Variants in CLCC1 observed in about 807,000 individuals in gnomAD.
CLCC1 encodes the protein chloride channel CLIC like 1.
CLCC1 carries 39 observed loss-of-function variants against 63.3 expected under a neutral mutation model. The observed-to-expected ratio is 0.62, with a 90% confidence interval of 0.48 to 0.81. CLCC1 has a LOEUF of 0.81. Among genes scored for constraint, CLCC1 ranks in the 30% least tolerant of loss-of-function variants. The pLI, the probability that CLCC1 is intolerant of heterozygous loss-of-function variation, is 0.00. For missense variants in CLCC1, 549 were observed against 669.4 expected, an observed-to-expected ratio of 0.82 and a Z score of 1.98; for synonymous variants, 217 against 239.8, an observed-to-expected ratio of 0.90 and a Z score of 0.88.
chr1:108,943,459 T>C lies in CLCC1; in HGVS notation c.702+16A>G. The C allele has an allele frequency of 6.2e-7, 1 of 1,606,726 alleles. No homozygotes were observed. Among genetic ancestry groups the C allele is most frequent in the Non-Finnish European group, 8.5e-7 (1 of 1,176,188 alleles). ...TAAATGTGTTAAAATTGTAAAACCC[T>C]CCATCCATATAATACCTTATATAAA... On this transcript the variant is annotated intron_variant, in intron 7 of 12. Transcript: ENST00000369969.
rs1443436777 is a variant in CLCC1, at chr1:108,943,927, T to C, written c.470A>G (p.Asp157Gly). The C allele has an allele frequency of 6.2e-7, 1 of 1,613,208 alleles. No homozygotes were observed. Among genetic ancestry groups the C allele is most frequent in the African/African-American group, 1.3e-5 (1 of 74,908 alleles). Residue 157 changes from aspartate (D) to glycine (G), a missense_variant, in exon 6 of 13, where the codon GAT (aspartate) becomes GGT (glycine). By Grantham distance (94) the Asp-to-Gly change is moderately conservative. Transcript: ENST00000369969. Reference sequence around the variant, plus strand: ...ATGAAACTTAAAATTAATTAAAATATCACTTAGTGCATCATCCAAGGCACC... The same window carrying C: ...ATGAAACTTAAAATTAATTAAAATACCACTTAGTGCATCATCCAAGGCACC... ...KPGALDDALS[D>G]ILINFKFHDF...
chr1:108,931,161 T>TA lies in CLCC1; in HGVS notation c.*1385dup. On this transcript the variant is annotated 3_prime_UTR_variant, in exon 13 of 13. Transcript: ENST00000369969. ...AAACAAACTTTTCTAAGTTCTAATA[T>TA]AAAAACAAAAAACAAAACCCATGTG... 1 of 704,194 alleles carries TA rather than the reference T, an allele frequency of 1.4e-6. No homozygotes were observed. The highest frequency in any genetic ancestry group is 3.4e-5 in the Admixed American group (1 of 29,044). The allele number at this position is 704,194 out of a possible 1,614,324, so 43.6% of individuals were successfully genotyped here.
At position 108,963,418 on chromosome 1, in the gene CLCC1, G is replaced by A. The variant is rs887343525; in HGVS notation, c.-230C>T. 4 of 702,480 alleles carry A rather than the reference G, an allele frequency of 5.7e-6. No homozygotes were observed. Among genetic ancestry groups the A allele is most frequent in the South Asian group, 1.5e-5 (1 of 67,608 alleles). The allele number at this position is 702,480 out of a possible 1,614,324, so 43.5% of individuals were successfully genotyped here. The stretch of plus-strand genomic sequence containing the variant: ...ACACCTGCCCAGGCCGGCCGCAGAA[G>A]AGGTCGCACAGCTTGCCGCCGCCCA... On this transcript the variant is annotated 5_prime_UTR_variant, in exon 1 of 13. Coordinates refer to ENST00000369969, the MANE Select transcript of CLCC1 (RefSeq NM_001377458.1).
intron 5 of CLCC1, among the ~76,000 whole-genome samples, chr1:108,944,958 T>C (rs1296267044): frequency 6.6e-6 from 1 of 152,230 alleles, no homozygotes; most frequent in Non-Finnish European, 1.5e-5. Flanking sequence ...TAAAGTCACC[T>C]CAAACACCAA....
chr1:108,955,905 A>C (rs893585703), intron 2 of CLCC1, among the ~76,000 whole-genome samples: 9 of 151,472 alleles, frequency 5.9e-5, no homozygotes, highest in Non-Finnish European at 8.8e-5. Flanking sequence ...CCTGGTTTTA[A>C]GGCTTTCACA....
In CLCC1 at chr1:108,943,934, G is replaced by A. The variant is rs1374274545; in HGVS notation, c.463C>T (p.Leu155=). 2 of 1,612,884 alleles carry A rather than the reference G, an allele frequency of 1.2e-6. No homozygotes were observed. Among genetic ancestry groups the A allele is most frequent in the Admixed American group, 3.3e-5 (2 of 59,994 alleles). The change falls in exon 6 of 13, where the codon CTA becomes TTA. Residue 155 remains leucine (L), a synonymous_variant. Coordinates refer to ENST00000369969, the MANE Select transcript of CLCC1 (RefSeq NM_001377458.1). ...TTAAAATTAATTAAAATATCACTTA[G>A]TGCATCATCCAAGGCACCTGGTTTC... ...DWKPGALDDA[L]SDILINFKFH...
In CLCC1 at chr1:108,947,693, C is replaced by G; in HGVS notation, c.257G>C (p.Arg86Thr). Residue 86 changes from arginine (R) to threonine (T), a missense_variant, in exon 5 of 13, where the codon AGG (arginine) becomes ACG (threonine). By Grantham distance (71) the Arg-to-Thr change is moderately conservative (BLOSUM62 -1). Transcript: ENST00000369969. ...ATTGCTTTGACTTTCATAGTCTTCCCTCTTTTTCTTTTCACACTCATCAAT... is the reference window on the plus strand; with the variant it reads ...ATTGCTTTGACTTTCATAGTCTTCCGTCTTTTTCTTTTCACACTCATCAAT... ...YKIDECEKKK[R>T]EDYESQSNPV... The G allele has an allele frequency of 6.2e-7, 1 of 1,609,396 alleles. No individual in the cohort carries two copies. Among genetic ancestry groups the G allele is most frequent in the South Asian group, 1.1e-5 (1 of 90,194 alleles).
chr1:108,933,559 A>ATT (rs1379755625), intron 12 of CLCC1: 1 of 152,278 alleles, frequency 6.6e-6, no homozygotes, highest in Non-Finnish European at 1.5e-5. Flanking sequence ...CTGCATGAAA[A>ATT]TTTAAAGACT....
At chr1:108,948,466 T>C (rs543167519) in intron 4 of CLCC1, among the ~76,000 whole-genome samples, 1 of 152,108 alleles carries the variant, frequency 6.6e-6, no homozygotes, top group East Asian at 1.9e-4. Flanking sequence ...TTTAACGGAG[T>C]GTGGACCATG....
intron 7 of CLCC1, 81 bp from the exon 8 acceptor site, chr1:108,941,579 A>C: frequency 2.2e-6 from 2 of 924,000 alleles, no homozygotes; most frequent in Non-Finnish European, 3.4e-6. Context: ...CTTCATTCAA[A>C]GAGTGTCTTT....
chr1:108,943,812 GC>G, intron 6 of CLCC1, 23 bp downstream of exon 6: 2 of 1,542,686 alleles, frequency 1.3e-6, no homozygotes, highest in Non-Finnish European at 1.8e-6. Flanking sequence ...TAATGACGTT[GC>G]CCTTGCCCTC....
chr1:108,950,553 G>A, intron 2 of CLCC1, 105 bp from the exon 3 acceptor site: 1 of 594,338 alleles, frequency 1.7e-6, no homozygotes. Context: ...ACAGGGTCTT[G>A]CTCTATTGCC....
intron 2 of CLCC1, among the ~76,000 whole-genome samples, chr1:108,952,513 A>G (rs1057350515): frequency 6.9e-5 from 6 of 87,294 alleles, no homozygotes; most frequent in African/African-American, 2.0e-4. Flanking sequence ...GAAAAGTGGG[A>G]AACTGCCAGG....
chr1:108,942,656 T>G (rs1029672710), intron 7 of CLCC1, among the ~76,000 whole-genome samples: 1 of 152,162 alleles, frequency 6.6e-6, no homozygotes, highest in Non-Finnish European at 1.5e-5. Flanking sequence ...ATAATTAAAA[T>G]CTAGAAAAAT....
At chr1:108,960,508 G>A (rs1656480438) in intron 2 of CLCC1, among the ~76,000 whole-genome samples, 1 of 152,202 alleles carries the variant, frequency 6.6e-6, no homozygotes, top group South Asian at 2.1e-4. Context: ...AAGTGGTTAA[G>A]AAGTAGGTGA....
In CLCC1 at chr1:108,930,751, T is replaced by C. The variant is rs1456553975; in HGVS notation, c.*1796A>G. On this transcript the variant is annotated 3_prime_UTR_variant, in exon 13 of 13. Transcript: ENST00000369969. ...TAAAAATACAAAAATTAGCTGGGCATGGTGGCATGCGCCTGTAGTTTCAGC... is the reference window on the plus strand; with the variant it reads ...TAAAAATACAAAAATTAGCTGGGCACGGTGGCATGCGCCTGTAGTTTCAGC... 1 of 152,642 alleles carries C rather than the reference T, an allele frequency of 6.6e-6. No individual in the cohort carries two copies. The highest frequency in any genetic ancestry group is 1.5e-5 in the Non-Finnish European group (1 of 68,446). 9.5% of individuals were successfully genotyped at this position (152,642 alleles called of 1,614,324 possible). A position where few individuals can be genotyped will look rare whatever the true frequency, so the allele number is the denominator to read the frequency against.
intron 5 of CLCC1, 39 bp from the exon 6 acceptor site, chr1:108,944,096 A>T: frequency 7.0e-7 from 1 of 1,429,390 alleles, no homozygotes; most frequent in South Asian, 1.3e-5. Context: ...ATAGAAAGAG[A>T]ATTTTATTAC....
At position 108,934,768 on chromosome 1, in the gene CLCC1, CAGACTTG is replaced by C; in HGVS notation, c.1551_1557del (p.Ser519ProfsTer59). ...CCTTGGTCTGGGCTGCCTGCGGCTTCAGACTTGAGCTGGGCCTTTTCCGCTGCGGGTG... is the reference window on the plus strand; with the variant it reads ...CCTTGGTCTGGGCTGCCTGCGGCTTCAGCTGGGCCTTTTCCGCTGCGGGTG... On this transcript the variant is annotated frameshift_variant, in exon 12 of 13. Transcript: ENST00000369969. LOFTEE classifies it high-confidence loss of function. 1 of 1,614,206 alleles carries C rather than the reference CAGACTTG, an allele frequency of 6.2e-7. No individual in the cohort carries two copies. The highest frequency in any genetic ancestry group is 8.5e-7 in the Non-Finnish European group (1 of 1,180,042).
intron 2 of CLCC1, among the ~76,000 whole-genome samples, chr1:108,956,874 T>TGGGAGGCAGGGAGGCG (rs1195599899): frequency 7.0e-3 from 167 of 23,940 alleles, no homozygotes; most frequent in South Asian, 0.012. Context: ...GGGAATGAGC[T>TGGGAGGCAGGGAGGCG]GGGAGGCAGG....
Sources: gnomAD v4.1 joint callset for allele counts (sites outside exome capture counted in the v4.1 genomes callset) on GRCh38, gnomAD v4.1.1 for gene constraint, MANE v1.5 for transcripts, NCBI Gene and HGNC (gene_info 2026-07-23, HGNC 2026-07-21) for gene names.